TRPC3: variants seen among roughly 807,000 people sequenced by gnomAD.
The protein encoded by TRPC3 is transient receptor potential cation channel subfamily C member 3, also known as short transient receptor potential channel 3.
TRPC3 carries 54 observed loss-of-function variants against 90.9 expected under a neutral mutation model. The observed-to-expected ratio is 0.59, with a 90% CI of 0.48 to 0.75. TRPC3 has a LOEUF of 0.75. Among genes scored for constraint, TRPC3 ranks in the 30% least tolerant of loss-of-function variants. The pLI, the probability that TRPC3 is intolerant of heterozygous loss-of-function variation, is 0.00. For missense variants in TRPC3, 918 were observed against 1,194.5 expected (o/e 0.77, Z 3.41); for synonymous variants, 424 against 450.9 (o/e 0.94, Z 0.75).
chr4:121,933,863 C>A (rs1730041571), intron 1 of TRPC3, among the ~76,000 whole-genome samples: 1 of 152,026 alleles, frequency 6.6e-6, no homozygotes, highest in South Asian at 2.1e-4. Flanking sequence ...CAAGATTTAG[C>A]AATTATAAAA....
At chr4:121,888,275 A>G (rs1306490615) in intron 10 of TRPC3, among the ~76,000 whole-genome samples, 3 of 152,224 alleles carry the variant, frequency 2.0e-5, no homozygotes, top group East Asian at 3.8e-4. Flanking sequence ...TAAAACACAT[A>G]AGGTGATGAC....
At position 121,876,168 on chromosome 4, in the gene TRPC3, C is replaced by A. The variant is rs112074937; in HGVS notation, c.*3568G>T. Among the ~76,000 whole-genome samples the A allele has an allele frequency of 6.6e-6, 1 of 151,766 alleles. No homozygotes were observed. Among genetic ancestry groups the A allele is most frequent in the African/African-American group, 2.4e-5 (1 of 41,252 alleles). ...CCTGCTTCAACGTCCCAAAGTGCTG[C>A]GATTACAGGTGTGCACCACTGTGCC... On this transcript the variant is annotated 3_prime_UTR_variant, in exon 12 of 12. Transcript: ENST00000379645.
intron 8 of TRPC3, 72 bp downstream of exon 8, chr4:121,904,250 G>T: frequency 7.3e-7 from 1 of 1,370,192 alleles, no homozygotes; most frequent in Non-Finnish European, 9.9e-7. Flanking sequence ...TCAGCCACAG[G>T]GTACAGAAGC....
At position 121,922,144 on chromosome 4, in the gene TRPC3, G is replaced by C. The variant is rs1306520767; in HGVS notation, c.1176+2874C>G. Among the ~76,000 whole-genome samples, 4 of 151,812 alleles carry C rather than the reference G, an allele frequency of 2.6e-5. No individual in the cohort carries two copies. In the East Asian group the frequency reaches 7.8e-4, roughly 29 times the overall value. On this transcript the variant is annotated intron_variant, in intron 3 of 11. Coordinates refer to ENST00000379645, the MANE Select transcript of TRPC3 (RefSeq NM_001130698.2). ...TCACCATGTTAGCCAGGATGGTCTC[G>C]ATCTCCTGACCTCGTGATCCACCTG...
rs529980189 is a variant in TRPC3, at chr4:121,906,585, G to A, written c.2057+718C>T. Reference sequence around the variant, plus strand: ...TTAGTCTATAGAGTACTTACTGAGTGTATAGTTTGTTTCCAGCAGTGGCAT... The same window carrying A: ...TTAGTCTATAGAGTACTTACTGAGTATATAGTTTGTTTCCAGCAGTGGCAT... On this transcript the variant is annotated intron_variant, in intron 7 of 11. Transcript: ENST00000379645. Among the ~76,000 whole-genome samples, 53 of 152,218 alleles carry A rather than the reference G, an allele frequency of 3.5e-4. No individual in the cohort carries two copies. The South Asian group carries it at 5.8e-3, about 17-fold the overall frequency.
intron 10 of TRPC3, among the ~76,000 whole-genome samples, chr4:121,886,614 G>A (rs1161207122): frequency 3.3e-5 from 5 of 152,106 alleles, no homozygotes; most frequent in Admixed American, 3.3e-4. Context: ...ATAACTATCG[G>A]TCCAAATTCT....
intron 3 of TRPC3, among the ~76,000 whole-genome samples, chr4:121,921,447 G>A (rs1412196629): frequency 1.3e-5 from 2 of 148,972 alleles, no homozygotes; most frequent in African/African-American, 2.5e-5. Context: ...GCGTGAACCC[G>A]GGAGGCGGAG....
intron 1 of TRPC3, among the ~76,000 whole-genome samples, chr4:121,938,847 T>TAAA (rs1189080537): frequency 6.9e-6 from 1 of 145,700 alleles, no homozygotes; most frequent in South Asian, 2.2e-4. Flanking sequence ...CACTTCTCTT[T>TAAA]AAAAAAAAAA....
At chr4:121,925,318 G>T in intron 2 of TRPC3, 112 bp from the exon 3 acceptor site, 3 of 1,148,466 alleles carry the variant, frequency 2.6e-6, no homozygotes, top group Non-Finnish European at 3.6e-6. Context: ...GAAAGCTGCA[G>T]CCCACCTGGA....
chr4:121,935,144 A>G (rs946325649), intron 1 of TRPC3, among the ~76,000 whole-genome samples: 2 of 152,130 alleles, frequency 1.3e-5, no homozygotes, highest in Admixed American at 1.3e-4. Flanking sequence ...GAATAGTTTT[A>G]ACCACAGTGT....
rs201209368 is a variant in TRPC3, at chr4:121,903,098, A to G, written c.2254-37T>C. 58 of 1,547,896 alleles carry G rather than the reference A, an allele frequency of 3.7e-5. 1 individual carries two copies. The South Asian group carries it at 7.1e-4, about 19-fold the overall frequency. On this transcript the variant is annotated intron_variant, in intron 8 of 11. Coordinates refer to ENST00000379645, the MANE Select transcript of TRPC3 (RefSeq NM_001130698.2). ...AAATAGAAAAAAAAACTAATTTTAA[A>G]TGCTAAATATTCTAGTGACTGTTGC... is the stretch of plus-strand genomic sequence containing the variant.
intron 1 of TRPC3, among the ~76,000 whole-genome samples, chr4:121,936,542 T>G (rs1302886906): frequency 6.6e-6 from 1 of 152,236 alleles, no homozygotes; most frequent in Admixed American, 6.5e-5. Context: ...CCAACTGCTA[T>G]GGACCAAATT....
intron 10 of TRPC3, among the ~76,000 whole-genome samples, chr4:121,893,397 T>A (rs1290644456): frequency 6.6e-6 from 1 of 152,134 alleles, no homozygotes; most frequent in Non-Finnish European, 1.5e-5. Context: ...AAGTGGTATT[T>A]CAAATCAATA....
chr4:121,899,049 G>A (rs1371367257), intron 10 of TRPC3, among the ~76,000 whole-genome samples: 1 of 152,068 alleles, frequency 6.6e-6, no homozygotes, highest in East Asian at 1.9e-4. Context: ...CTTGATGATC[G>A]AAATGATCAA....
rs761857304 is a variant in TRPC3, at chr4:121,933,068, C to G, written c.216-26G>C. 3 of 1,531,706 alleles carry G rather than the reference C, an allele frequency of 2.0e-6. No homozygotes were observed. The East Asian group carries it at 6.8e-5, about 35-fold the overall frequency. The allele number at this position is 1,531,706 out of a possible 1,614,324, so 94.9% of individuals were successfully genotyped here. A position where few individuals can be genotyped will look rare whatever the true frequency, so the allele number is the denominator to read the frequency against. ...CTAATCAGTAGCAACGATAAAACAA[C>G]TGTAGAATATTAGGGCACATTCCTT... On this transcript the variant is annotated intron_variant, in intron 1 of 11. Transcript: ENST00000379645.
chr4:121,948,632 A>G (rs2149158240), intron 1 of TRPC3, among the ~76,000 whole-genome samples: 1 of 152,296 alleles, frequency 6.6e-6, no homozygotes, highest in East Asian at 1.9e-4. Context: ...CTGCTCCCCT[A>G]TACATATCTA....
rs548386120 is a variant in TRPC3 at position 121,951,507 on chromosome 4, C to T, written c.174G>A (p.Pro58=). 1.5e-6 allele frequency: 2 copies of T among 1,365,476 alleles called. No individual in the cohort carries two copies. The highest frequency in any genetic ancestry group is 9.4e-7 in the Non-Finnish European group (1 of 1,060,050). 84.6% of individuals were successfully genotyped at this position (1,365,476 alleles called of 1,614,324 possible). A position where few individuals can be genotyped will look rare whatever the true frequency, so the allele number is the denominator to read the frequency against. ...AGAAGGGCGGCGGGCAGTAGCCGTG[C>T]GGCTCCCGCTGCGAGGGCGCCGAGC... is the stretch of plus-strand genomic sequence containing the variant. ...EPRSAPSQRE[P]HGYCPPPFSH... Residue 58 remains proline, a synonymous_variant, in exon 1 of 12, where the codon CCG becomes CCA. Coordinates refer to ENST00000379645, the MANE Select transcript of TRPC3 (RefSeq NM_001130698.2). The surrounding 1 kb of genome is among the most constrained non-coding windows in gnomAD (Gnocchi z 4.4).
rs77104575 is a variant in TRPC3 at position 121,950,089 on chromosome 4, T to C, written c.215+1377A>G. ...GGTGGCGCTTTCATCCCAAAGGATA[T>C]ACCTTCCCTCCATTTCCTGGGCCGT... On this transcript the variant is annotated intron_variant, in intron 1 of 11. Coordinates refer to ENST00000379645, the MANE Select transcript of TRPC3 (RefSeq NM_001130698.2). Among the ~76,000 whole-genome samples the C allele has an allele frequency of 8.4e-3, 1,277 of 152,354 alleles. 23 individuals are homozygous for C. The highest frequency in any genetic ancestry group is 0.029 in the African/African-American group (1,203 of 41,584).
chr4:121,885,203 T>G (rs1054052976), intron 10 of TRPC3, among the ~76,000 whole-genome samples: 1 of 152,138 alleles, frequency 6.6e-6, no homozygotes, highest in African/African-American at 2.4e-5. Flanking sequence ...GGAAAGATAG[T>G]TCATGAGAAT....
Sources: allele counts gnomAD v4.1 joint callset (sites outside exome capture counted in the v4.1 genomes callset), GRCh38; gene constraint gnomAD v4.1.1; non-coding constraint Gnocchi (gnomAD v3.1); transcripts MANE v1.5; gene names NCBI Gene and HGNC (gene_info 2026-07-23, HGNC 2026-07-21).